The following ADAMTS8 variants were observed in gnomAD, a reference collection of about 807,000 sequenced individuals.
ADAMTS8 encodes the protein ADAM metallopeptidase with thrombospondin type 1 motif 8.
Under a neutral mutation model 64.4 loss-of-function variants are expected in ADAMTS8, and 50 were observed. The observed-to-expected ratio is 0.78, with a 90% confidence interval of 0.62 to 0.98. The LOEUF (loss-of-function observed/expected upper bound fraction) is 0.98, where lower values mean the gene tolerates loss of function less well. ADAMTS8 is among the 50% of genes least tolerant of loss of function. ADAMTS8 has a pLI of 0.00. For synonymous variants in ADAMTS8, 556 were observed against 533.6 expected (o/e 1.04, Z -0.58); for missense variants, 1,192 against 1,208.2 (o/e 0.99, Z 0.20).
rs1862002311 is a variant in ADAMTS8 at position 130,414,905 on chromosome 11, A to G, written c.1265-73T>C. 6 of 1,431,208 alleles carry G rather than the reference A, an allele frequency of 4.2e-6. No individual in the cohort carries two copies. The South Asian group carries it at 7.2e-5, about 17-fold the overall frequency. The allele number at this position is 1,431,208 out of a possible 1,614,324, so 88.7% of individuals were successfully genotyped here. The stretch of plus-strand genomic sequence containing the variant: ...CCCTCTCAGCTCTTCATGGCCTGTG[A>G]TGGATGGCACTGAAGGTCTAGGTGT... On this transcript the variant is annotated intron_variant, in intron 4 of 8. Transcript: ENST00000257359.
At chr11:130,410,205 G>A (rs1167119444) in intron 6 of ADAMTS8, among the ~76,000 whole-genome samples, 1 of 152,126 alleles carries the variant, frequency 6.6e-6, no homozygotes, top group Non-Finnish European at 1.5e-5. Context: ...CCAACCTAGG[G>A]TCTGTGACTC....
Position 130,414,464 on chromosome 11 carries a change from T to G in ADAMTS8, c.1566+67A>C, listed in dbSNP as rs1008096465. 2.0e-5 allele frequency: 30 copies of G among 1,508,744 alleles called. No individual in the cohort carries two copies. The East Asian group carries it at 6.6e-4, about 33-fold the overall frequency. The allele number at this position is 1,508,744 out of a possible 1,614,324, so 93.5% of individuals were successfully genotyped here. ...GTGGTTTCCTTCTGGAGAACAGCCCTCAGTCCTCCCCATTTCCTTTTGTTT... is the reference window on the plus strand; with the variant it reads ...GTGGTTTCCTTCTGGAGAACAGCCCGCAGTCCTCCCCATTTCCTTTTGTTT... On this transcript the variant is annotated intron_variant, in intron 5 of 8. Coordinates refer to ENST00000257359, the MANE Select transcript of ADAMTS8 (RefSeq NM_007037.6).
At chr11:130,415,642 T>TAGAGAGAGA (rs1862013201) in intron 4 of ADAMTS8, among the ~76,000 whole-genome samples, 3 of 135,362 alleles carry the variant, frequency 2.2e-5, no homozygotes, top group African/African-American at 8.3e-5. Context: ...AGCGTCTCTC[T>TAGAGAGAGA]CTGTCACCCA....
At chr11:130,412,300 G>A (rs1464444939) in intron 5 of ADAMTS8, among the ~76,000 whole-genome samples, 3 of 152,106 alleles carry the variant, frequency 2.0e-5, no homozygotes, top group East Asian at 1.9e-4. Context: ...TGCAACCTCC[G>A]CCTCCTGGGT....
rs766780859 is a variant in ADAMTS8, at chr11:130,428,310, G to T, written c.-24C>A. The T allele has an allele frequency of 2.2e-5, 27 of 1,251,044 alleles. 1 individual carries two copies. The South Asian group carries it at 4.6e-4, about 22-fold the overall frequency. 77.5% of individuals were successfully genotyped at this position (1,251,044 alleles called of 1,614,324 possible). On this transcript the variant is annotated 5_prime_UTR_variant, in exon 1 of 9. Coordinates refer to ENST00000257359, the MANE Select transcript of ADAMTS8 (RefSeq NM_007037.6). ...ATGGGGGCTGCGGCGGTGGCTGCGCGCAGGAGAGGGAAGAAGCCCGCCAGG... is the reference window on the plus strand; with the variant it reads ...ATGGGGGCTGCGGCGGTGGCTGCGCTCAGGAGAGGGAAGAAGCCCGCCAGG...
At chr11:130,417,164 C>A (rs768142193) in intron 2 of ADAMTS8, 89 bp from the exon 3 acceptor site, 1 of 1,559,710 alleles carries the variant, frequency 6.4e-7, no homozygotes, top group African/African-American at 1.3e-5. Context: ...CCAGCGTGCA[C>A]GTGGGAGTGG....
At position 130,406,420 on chromosome 11, in the gene ADAMTS8, C is replaced by G. The variant is rs80342164; in HGVS notation, c.2100-292G>C. 1.7e-4 allele frequency among the ~76,000 whole-genome samples: 26 copies of G among 152,254 alleles called. No individual in the cohort carries two copies. In the East Asian group the frequency reaches 5.0e-3, roughly 29 times the overall value. ...GAACAGCATAGAGACGAGGAGAACCCAGAAGGATGTGGAAAGCTGCACTGG... is the reference window on the plus strand; with the variant it reads ...GAACAGCATAGAGACGAGGAGAACCGAGAAGGATGTGGAAAGCTGCACTGG... On this transcript the variant is annotated intron_variant, in intron 8 of 8. Transcript: ENST00000257359.
At position 130,427,915 on chromosome 11, in the gene ADAMTS8, G is replaced by A; in HGVS notation, c.372C>T (p.Gly124=). The change falls in exon 1 of 9, where the codon GGC becomes GGT. Residue 124 remains glycine, a synonymous_variant. Transcript: ENST00000257359. The part of the protein sequence containing the change: ...AAVSLCRGLS[G]SFLLDGEEFT... ...ACTCCTCGCCGTCCAGCAGGAAGGA[G>A]CCGCTCAGCCCGCGGCACAGGCTGA... 1 of 1,533,970 alleles carries A rather than the reference G, an allele frequency of 6.5e-7. No homozygotes were observed. The highest frequency in any genetic ancestry group is 1.2e-5 in the South Asian group (1 of 83,956).
At chr11:130,406,987 C>G (rs1244845517) in intron 8 of ADAMTS8, among the ~76,000 whole-genome samples, 2 of 152,150 alleles carry the variant, frequency 1.3e-5, no homozygotes, top group Non-Finnish European at 2.9e-5. Flanking sequence ...GCCCATCTGT[C>G]TAAAGCCTGA....
chr11:130,413,987 T>C (rs1950042397), intron 5 of ADAMTS8, among the ~76,000 whole-genome samples: 1 of 152,206 alleles, frequency 6.6e-6, no homozygotes, highest in African/African-American at 2.4e-5. Flanking sequence ...GCCACGGCAG[T>C]GTCAACCCAC....
At position 130,428,313 on chromosome 11, in the gene ADAMTS8, G is replaced by A. The variant is rs1862211127; in HGVS notation, c.-27C>T. The A allele has an allele frequency of 2.4e-6, 3 of 1,258,424 alleles. No individual in the cohort carries two copies. The highest frequency in any genetic ancestry group is 2.0e-6 in the Non-Finnish European group (2 of 994,368). The allele number at this position is 1,258,424 out of a possible 1,614,324, so 78.0% of individuals were successfully genotyped here. ...GGGGCTGCGGCGGTGGCTGCGCGCA[G>A]GAGAGGGAAGAAGCCCGCCAGGCGC... On this transcript the variant is annotated 5_prime_UTR_variant, in exon 1 of 9. Transcript: ENST00000257359.
rs116932696 is a variant in ADAMTS8 at position 130,427,306 on chromosome 11, G to C, written c.720+261C>G. Among the ~76,000 whole-genome samples the C allele has an allele frequency of 6.6e-3, 1,000 of 152,238 alleles. 24 individuals are homozygous for C. Among genetic ancestry groups the C allele is most frequent in the Admixed American group, 0.052 (802 of 15,304 alleles). ...GATTCGGATGAGAGGGATGGGCGTC[G>C]GCAGCCCCACTCTAAACTGGAAGGG... On this transcript the variant is annotated intron_variant, in intron 1 of 8. Transcript: ENST00000257359.
chr11:130,406,940 C>CTAGCTGCTTAGTT (rs1203249773), intron 8 of ADAMTS8, among the ~76,000 whole-genome samples: 12 of 152,314 alleles, frequency 7.9e-5, no homozygotes, highest in Middle Eastern at 3.4e-3. Flanking sequence ...CCAGCTGGGG[C>CTAGCTGCTTAGTT]TAGCTGCTTA....
Position 130,417,068 on chromosome 11 carries a change from CAGA to C in ADAMTS8, c.965_967del (p.Phe322del). The C allele has an allele frequency of 1.9e-6, 3 of 1,613,900 alleles. No individual in the cohort carries two copies. Among genetic ancestry groups the C allele is most frequent in the Non-Finnish European group, 2.5e-6 (3 of 1,179,992 alleles). Reference sequence around the variant, plus strand: ...GGTGTCACACAGCCCCTCCTGCCCACAGAAGTTCTGCGTGGCGGGGAGAGAGCA... The same window carrying C: ...GGTGTCACACAGCCCCTCCTGCCCACAGTTCTGCGTGGCGGGGAGAGAGCA... On this transcript the variant is annotated inframe_deletion, in exon 3 of 9. Transcript: ENST00000257359.
chr11:130,411,147 T>G lies in ADAMTS8; in HGVS notation c.1750+270A>C, dbSNP rs1041287763. Among the ~76,000 whole-genome samples the G allele has an allele frequency of 6.6e-6, 1 of 152,056 alleles. No homozygotes were observed. Among genetic ancestry groups the G allele is most frequent in the Non-Finnish European group, 1.5e-5 (1 of 67,992 alleles). ...CCACATCTTGGAAGATGAGCGTAAT[T>G]TCTCTCCTTGACTTTGCCAGGCTCT... On this transcript the variant is annotated intron_variant, in intron 6 of 8. Transcript: ENST00000257359. The surrounding 1 kb of genome is among the most constrained non-coding windows in gnomAD (Gnocchi z 4.2).
intron 5 of ADAMTS8, among the ~76,000 whole-genome samples, chr11:130,413,818 C>T (rs890783859): frequency 6.6e-6 from 1 of 152,194 alleles, no homozygotes; most frequent in South Asian, 2.1e-4. Flanking sequence ...ACTTTTCACT[C>T]AATTCTTGAT....
rs146554669 is a variant in ADAMTS8 at position 130,407,680 on chromosome 11, A to C, written c.2099+784T>G. Among the ~76,000 whole-genome samples, 673 of 152,260 alleles carry C rather than the reference A, an allele frequency of 4.4e-3. 2 individuals carry two copies. Among genetic ancestry groups the C allele is most frequent in the African/African-American group, 0.015 (636 of 41,542 alleles). ...AGTGTGGCCCATATAAAACACCCGA[A>C]CTTGCCCTTACTCTGCAGGAAGTAC... On this transcript the variant is annotated intron_variant, in intron 8 of 8. Transcript: ENST00000257359.
chr11:130,414,973 G>T, intron 4 of ADAMTS8, 141 bp from the exon 5 acceptor site: 2 of 896,102 alleles, frequency 2.2e-6, no homozygotes, highest in Non-Finnish European at 3.3e-6. Context: ...ACCACTTGAT[G>T]ATCTAGTGAG....
In ADAMTS8 at chr11:130,428,221, C is replaced by T. The variant is rs1286243366; in HGVS notation, c.66G>A (p.Pro22=). ...PLLLLLLLLL[P]LARGAPARPA... ...GCCGGGCCGGGGCGCCGCGGGCCAGCGGCAGCAGCAGCAGCAGCAGCAGCA... is the reference window on the plus strand; with the variant it reads ...GCCGGGCCGGGGCGCCGCGGGCCAGTGGCAGCAGCAGCAGCAGCAGCAGCA... Residue 22 remains proline (P), a synonymous_variant, in exon 1 of 9, where the codon CCG becomes CCA. Coordinates refer to ENST00000257359, the MANE Select transcript of ADAMTS8 (RefSeq NM_007037.6). The T allele has an allele frequency of 1.7e-6, 2 of 1,188,250 alleles. No individual in the cohort carries two copies. The highest frequency in any genetic ancestry group is 7.2e-5 in the East Asian group (2 of 27,612). 73.6% of individuals were successfully genotyped at this position (1,188,250 alleles called of 1,614,324 possible).
Sources: gnomAD v4.1 joint callset for allele counts (sites outside exome capture counted in the v4.1 genomes callset) on GRCh38, gnomAD v4.1.1 for gene constraint, Gnocchi (gnomAD v3.1) non-coding constraint, MANE v1.5 for transcripts, NCBI Gene and HGNC (gene_info 2026-07-23, HGNC 2026-07-21) for gene names.